The following L3MBTL4 variants were observed in gnomAD, a reference collection of about 807,000 sequenced individuals.
L3MBTL4 encodes lethal(3)malignant brain tumor-like protein 4.
L3MBTL4 carries 70 observed loss-of-function variants against 84.5 expected under a neutral mutation model. That is an observed-to-expected ratio of 0.83 (90% CI 0.68 to 1.01). L3MBTL4 has a LOEUF of 1.01. Among genes scored for constraint, L3MBTL4 ranks in the 50% least tolerant of loss-of-function variants. The probability of loss-of-function intolerance (pLI) is 0.00; values close to 1 mark genes in which losing one functional copy is unlikely to be tolerated. For synonymous variants in L3MBTL4, 274 were observed against 259.8 expected (o/e 1.05, Z -0.52); for missense variants, 715 against 754.8 (o/e 0.95, Z 0.62).
chr18:5,964,992 C>G (rs1050913917), intron 17 of L3MBTL4, among the ~76,000 whole-genome samples: 1 of 152,186 alleles, frequency 6.6e-6, no homozygotes, highest in Non-Finnish European at 1.5e-5. Context: ...AGTCCCTACT[C>G]ATAAAAGCTT....
intron 16 of L3MBTL4, among the ~76,000 whole-genome samples, chr18:5,989,395 GT>G (rs2053592363): frequency 7.0e-6 from 1 of 142,088 alleles, no homozygotes; most frequent in Non-Finnish European, 1.5e-5. Flanking sequence ...TATGTGGAAA[GT>G]TTTATTTTTT....
intron 3 of L3MBTL4, among the ~76,000 whole-genome samples, chr18:6,306,296 C>T (rs533268332): frequency 6.6e-6 from 1 of 152,312 alleles, no homozygotes; most frequent in African/African-American, 2.4e-5. Context: ...AATTCAGACA[C>T]ACTCAGGGAG....
chr18:6,033,560 AC>A (rs1201772156), intron 16 of L3MBTL4, among the ~76,000 whole-genome samples: 2 of 152,216 alleles, frequency 1.3e-5, no homozygotes, highest in Non-Finnish European at 2.9e-5. Context: ...ACATGTAATT[AC>A]GATTACATTA....
chr18:6,130,196 G>T (rs1344762741), intron 14 of L3MBTL4, among the ~76,000 whole-genome samples: 1 of 152,110 alleles, frequency 6.6e-6, no homozygotes, highest in African/African-American at 2.4e-5. Flanking sequence ...GGTCAGTCTG[G>T]ATGTCCAGTT....
At chr18:6,251,285 G>A (rs561048166) in intron 5 of L3MBTL4, among the ~76,000 whole-genome samples, 3 of 152,360 alleles carry the variant, frequency 2.0e-5, no homozygotes, top group African/African-American at 7.2e-5. Context: ...TGAATAAACA[G>A]CATGATTGAG....
intron 1 of L3MBTL4, among the ~76,000 whole-genome samples, chr18:6,401,718 C>T (rs975421709): frequency 1.3e-5 from 2 of 152,172 alleles, no homozygotes; most frequent in African/African-American, 4.8e-5. Flanking sequence ...ACCCACAAGG[C>T]GGCTCTAATA....
At chr18:6,006,927 T>C (rs940660222) in intron 16 of L3MBTL4, among the ~76,000 whole-genome samples, 2 of 152,178 alleles carry the variant, frequency 1.3e-5, no homozygotes, top group Admixed American at 6.5e-5. Flanking sequence ...ATAGCTGACA[T>C]GATATTACAG....
chr18:6,206,051 A>G (rs950389925), intron 12 of L3MBTL4, among the ~76,000 whole-genome samples: 1 of 152,254 alleles, frequency 6.6e-6, no homozygotes, highest in African/African-American at 2.4e-5. Flanking sequence ...AGGCTTCATT[A>G]TCACAGCAGG....
At chr18:6,183,534 G>T (rs373802881) in intron 12 of L3MBTL4, among the ~76,000 whole-genome samples, 1 of 152,170 alleles carries the variant, frequency 6.6e-6, no homozygotes, top group Admixed American at 6.6e-5. Context: ...TTTGTCCTGA[G>T]ATTCTGAATT....
intron 12 of L3MBTL4, among the ~76,000 whole-genome samples, chr18:6,195,233 C>T (rs2045321094): frequency 6.6e-6 from 1 of 152,120 alleles, no homozygotes; most frequent in Non-Finnish European, 1.5e-5. Context: ...CCATCAGTAA[C>T]CAGGGTCTGT....
chr18:6,025,549 A>C (rs1393714768), intron 16 of L3MBTL4, among the ~76,000 whole-genome samples: 1 of 152,046 alleles, frequency 6.6e-6, no homozygotes, highest in Non-Finnish European at 1.5e-5. Context: ...GACCTTTACT[A>C]TGTGTAGTTT....
intron 12 of L3MBTL4, among the ~76,000 whole-genome samples, chr18:6,199,855 T>C (rs1360631637): frequency 6.6e-6 from 1 of 152,198 alleles, no homozygotes; most frequent in Non-Finnish European, 1.5e-5. Context: ...CAGAGAATTA[T>C]AAAAAATGAT....
At chr18:6,228,482 G>T (rs574150436) in intron 10 of L3MBTL4, among the ~76,000 whole-genome samples, 35 of 151,898 alleles carry the variant, frequency 2.3e-4, no homozygotes, top group African/African-American at 8.2e-4. Context: ...GAAAATATTT[G>T]CAAAATACAT....
chr18:6,132,933 C>T (rs983989037), intron 14 of L3MBTL4, among the ~76,000 whole-genome samples: 1 of 152,132 alleles, frequency 6.6e-6, no homozygotes, highest in Admixed American at 6.5e-5. Context: ...GCTCTGCTAC[C>T]TTAAAAAGCA....
At chr18:6,311,888 T>A (rs908245331) in intron 2 of L3MBTL4, 110 bp downstream of exon 2, 15 of 341,732 alleles carry the variant, frequency 4.4e-5, no homozygotes, top group African/African-American at 3.2e-4. Context: ...ATGGGGAAAA[T>A]AGATATTATT....
chr18:6,144,606 C>T (rs1308761478), intron 13 of L3MBTL4, among the ~76,000 whole-genome samples: 1 of 152,236 alleles, frequency 6.6e-6, no homozygotes, highest in Admixed American at 6.5e-5. Flanking sequence ...GCCCTCTTTC[C>T]TTGCCAACCA....
rs187605608 is a variant in L3MBTL4, at chr18:6,252,780, G to A, written c.220-8192C>T. Among the ~76,000 whole-genome samples, 24 of 152,324 alleles carry A rather than the reference G, an allele frequency of 1.6e-4. No individual in the cohort carries two copies. The East Asian group carries it at 3.7e-3, about 23-fold the overall frequency. ...AATATTCTTGCATCTTATTAGCAGC[G>A]GTGTGGGAAACTGATTAGAAAGGTG... On this transcript the variant is annotated intron_variant, in intron 5 of 18. Transcript: ENST00000317931.
chr18:6,173,211 C>G (rs1447408245), intron 12 of L3MBTL4, among the ~76,000 whole-genome samples: 1 of 152,116 alleles, frequency 6.6e-6, no homozygotes, highest in Non-Finnish European at 1.5e-5. Context: ...GACAGAGTGC[C>G]CTTTCATAGT....
At chr18:6,056,618 C>T (rs2057032963) in intron 16 of L3MBTL4, among the ~76,000 whole-genome samples, 1 of 152,158 alleles carries the variant, frequency 6.6e-6, no homozygotes, top group South Asian at 2.1e-4. Flanking sequence ...GGCCCACCCC[C>T]AGGGCTCAGC....
Sources: allele counts gnomAD v4.1 joint callset (sites outside exome capture counted in the v4.1 genomes callset), GRCh38; gene constraint gnomAD v4.1.1; transcripts MANE v1.5; gene names NCBI Gene and HGNC (gene_info 2026-07-23, HGNC 2026-07-21).